Variants in PRMT8 observed in about 807,000 individuals in gnomAD.
PRMT8 encodes the protein protein arginine N-methyltransferase 8.
Under a neutral mutation model 47.1 loss-of-function variants are expected in PRMT8, and 7 were observed. The observed-to-expected ratio is 0.15, with a 90% CI of 0.08 to 0.28. The LOEUF (loss-of-function observed/expected upper bound fraction) is 0.28. Among genes scored for constraint, PRMT8 ranks in the 10% least tolerant of loss-of-function variants. The probability of loss-of-function intolerance (pLI) is 1.00; values close to 1 mark genes in which losing one functional copy is unlikely to be tolerated. For synonymous variants in PRMT8, 188 were observed against 186.5 expected, an observed-to-expected ratio of 1.01 and a Z score of -0.07; for missense variants, 237 against 505.4, an observed-to-expected ratio of 0.47 and a Z score of 5.09.
chr12:3,407,510 C>A (rs1591540711), intron 1 of PRMT8, among the ~76,000 whole-genome samples: 2 of 152,104 alleles, frequency 1.3e-5, no homozygotes, highest in African/African-American at 2.4e-5. Flanking sequence ...CCCTTATATG[C>A]AACTTAATGC....
At chr12:3,496,216 T>TATATATATATATATATATATATATATA (rs34970187) in intron 1 of PRMT8, among the ~76,000 whole-genome samples, 3 of 19,998 alleles carry the variant, frequency 1.5e-4, no homozygotes, top group African/African-American at 5.0e-4. Context: ...ATATATATAT[T>TATATATATATATATATATATATATATA]TTTTTTTTTT....
intron 3 of PRMT8, 163 bp from the exon 4 acceptor site, chr12:3,553,488 G>C (rs139458080): frequency 8.6e-5 from 56 of 648,520 alleles, no homozygotes; most frequent in South Asian, 3.1e-4. Flanking sequence ...GCCTTGAGGT[G>C]GGGGGGCTGG....
At chr12:3,382,506 A>G (rs530276391) in intron 1 of PRMT8, among the ~76,000 whole-genome samples, 1 of 151,934 alleles carries the variant, frequency 6.6e-6, no homozygotes, top group East Asian at 1.9e-4. Flanking sequence ...TCACCTTCTT[A>G]TTTGCCATCT....
rs149495283 is a variant in PRMT8 at position 3,424,298 on chromosome 12, T to C, written c.48+42856T>C. On this transcript the variant is annotated intron_variant, in intron 1 of 9. Transcript: ENST00000452611. ...TTATTACTAGCTCTAAGGGGTTACATTGTCCCTTAGTACAGGAAGGGCTAC... is the reference window on the plus strand; with the variant it reads ...TTATTACTAGCTCTAAGGGGTTACACTGTCCCTTAGTACAGGAAGGGCTAC... Among the ~76,000 whole-genome samples, 79 of 152,322 alleles carry C rather than the reference T, an allele frequency of 5.2e-4. 1 individual carries two copies. In the East Asian group the frequency reaches 0.012, roughly 22 times the overall value.
intron 1 of PRMT8, among the ~76,000 whole-genome samples, chr12:3,472,485 G>A (rs1865170788): frequency 1.3e-5 from 2 of 152,198 alleles, no homozygotes; most frequent in South Asian, 4.1e-4. Context: ...TTTGAATCCC[G>A]GCTCTGCCGC....
chr12:3,491,566 C>T lies in PRMT8; in HGVS notation c.-60C>T. 1.9e-6 allele frequency: 3 copies of T among 1,553,738 alleles called. No individual in the cohort carries two copies. Among genetic ancestry groups the T allele is most frequent in the South Asian group, 1.2e-5 (1 of 84,228 alleles). Reference sequence around the variant, plus strand: ...CATCCTCTCGCTCTCTCTTTTAAAGCGACACCAGCTCTCTCTCCTCCTCTA... The same window carrying T: ...CATCCTCTCGCTCTCTCTTTTAAAGTGACACCAGCTCTCTCTCCTCCTCTA... On this transcript the variant is annotated 5_prime_UTR_variant, in exon 1 of 10. Transcript: ENST00000382622.
chr12:3,506,087 C>G (rs1865619648), intron 1 of PRMT8, among the ~76,000 whole-genome samples: 1 of 152,150 alleles, frequency 6.6e-6, no homozygotes, highest in African/African-American at 2.4e-5. Flanking sequence ...TGTGCAGGCT[C>G]TGGGGTTAGT....
chr12:3,420,092 G>T (rs10774145), intron 1 of PRMT8, among the ~76,000 whole-genome samples: 141,552 of 150,110 alleles, frequency 0.94, 66,929 homozygotes, highest in Non-Finnish European at 0.98. Context: ...TACTGAACCA[G>T]TGGCCAACAT....
At chr12:3,397,684 C>G (rs1416234017) in intron 1 of PRMT8, among the ~76,000 whole-genome samples, 2 of 152,138 alleles carry the variant, frequency 1.3e-5, no homozygotes, top group African/African-American at 2.4e-5. Context: ...GCCCTGCCCC[C>G]AGAGGTGGAG....
chr12:3,592,319 G>A lies in PRMT8; in HGVS notation c.1068G>A (p.Gly356=), dbSNP rs1867324642. ...LTVRRGEEIY[G]TISMKPNAKN... ...TCCGGAGGGGGGAGGAAATCTACGGGACCATATCCATGAAGCCAAATGCCA... is the reference window on the plus strand; with the variant it reads ...TCCGGAGGGGGGAGGAAATCTACGGAACCATATCCATGAAGCCAAATGCCA... The change falls in exon 9 of 10, where the codon GGG becomes GGA. Residue 356 remains glycine, a synonymous_variant. Coordinates refer to ENST00000382622, the MANE Select transcript of PRMT8 (RefSeq NM_019854.5). The A allele has an allele frequency of 1.3e-6, 2 of 1,599,346 alleles. No homozygotes were observed. The highest frequency in any genetic ancestry group is 1.7e-6 in the Non-Finnish European group (2 of 1,174,156).
At chr12:3,420,571 G>A (rs1864530806) in intron 1 of PRMT8, among the ~76,000 whole-genome samples, 1 of 152,186 alleles carries the variant, frequency 6.6e-6, no homozygotes, top group South Asian at 2.1e-4. Flanking sequence ...TGCAACTTAA[G>A]GGTAATACAA....
intron 1 of PRMT8, among the ~76,000 whole-genome samples, chr12:3,433,774 G>A (rs896370367): frequency 6.6e-6 from 1 of 152,180 alleles, no homozygotes; most frequent in African/African-American, 2.4e-5. Context: ...GCCATGCCCA[G>A]CTAATTTTTG....
intron 2 of PRMT8, among the ~76,000 whole-genome samples, chr12:3,541,668 A>C (rs1866232990): frequency 6.6e-6 from 1 of 152,154 alleles, no homozygotes; most frequent in Non-Finnish European, 1.5e-5. Flanking sequence ...CCTTCCACGT[A>C]CTCACTGCTG....
intron 1 of PRMT8, among the ~76,000 whole-genome samples, chr12:3,477,639 G>T (rs1229227620): frequency 1.3e-5 from 2 of 152,154 alleles, no homozygotes; most frequent in African/African-American, 2.4e-5. Context: ...GATAGTGTGC[G>T]CCAAACTCGC....
At chr12:3,475,246 G>A (rs1381949908) in intron 1 of PRMT8, among the ~76,000 whole-genome samples, 1 of 152,168 alleles carries the variant, frequency 6.6e-6, no homozygotes, top group African/African-American at 2.4e-5. Context: ...AAGGAGAGGG[G>A]GACATTGTGG....
chr12:3,467,323 A>G (rs890367139), intron 1 of PRMT8, among the ~76,000 whole-genome samples: 25 of 151,456 alleles, frequency 1.7e-4, no homozygotes, highest in African/African-American at 5.8e-4. Context: ...TGGAAGCAGC[A>G]GGTGTTTGGC....
intron 7 of PRMT8, among the ~76,000 whole-genome samples, chr12:3,578,253 C>T (rs927878872): frequency 1.1e-4 from 17 of 152,006 alleles, no homozygotes; most frequent in African/African-American, 3.9e-4. Flanking sequence ...GACAGGATCT[C>T]TTTCTCTCTC....
chr12:3,466,745 T>A (rs1865100254), intron 1 of PRMT8, among the ~76,000 whole-genome samples: 2 of 152,128 alleles, frequency 1.3e-5, no homozygotes, highest in African/African-American at 4.8e-5. Context: ...CACTTACTAA[T>A]CCCTGAGGTA....
intron 1 of PRMT8, among the ~76,000 whole-genome samples, chr12:3,425,397 A>G (rs1293728141): frequency 1.3e-5 from 2 of 152,270 alleles, no homozygotes; most frequent in African/African-American, 4.8e-5. Flanking sequence ...TTAGAGAGGT[A>G]GGCCACTGGC....
Sources: gnomAD v4.1 joint callset for allele counts (sites outside exome capture counted in the v4.1 genomes callset) on GRCh38, gnomAD v4.1.1 for gene constraint, MANE v1.5 for transcripts, NCBI Gene and HGNC (gene_info 2026-07-23, HGNC 2026-07-21) for gene names.